Variants in MTCL2 observed in about 807,000 individuals in gnomAD.
MTCL2 encodes microtubule cross-linking factor 2.
chr20:36,847,116 G>A, the MTCL2 span, among the ~76,000 whole-genome samples: 1 of 152,228 alleles, frequency 6.6e-6, no homozygotes, highest in African/African-American at 2.4e-5. Context: ...TACCGACCCT[G>A]TGAGGTAGGT....
the MTCL2 span, among the ~76,000 whole-genome samples, chr20:36,795,619 T>C: frequency 6.6e-6 from 1 of 151,964 alleles, no homozygotes; most frequent in South Asian, 2.1e-4. Context: ...TTAGTAAAAA[T>C]ACAAAAATTA....
At chr20:36,859,544 G>A in the MTCL2 span, 16 of 1,192,016 alleles carry the variant, frequency 1.3e-5, no homozygotes, top group Non-Finnish European at 1.6e-5. Context: ...GCCTCTCTCT[G>A]AATAATTAAA....
At chr20:36,814,136 T>C in the MTCL2 span, among the ~76,000 whole-genome samples, 65 of 152,294 alleles carry the variant, frequency 4.3e-4, 1 homozygote, top group African/African-American at 1.5e-3. Flanking sequence ...GCACATTCAC[T>C]GACATGATAT....
the MTCL2 span, among the ~76,000 whole-genome samples, chr20:36,830,318 C>T: frequency 3.9e-5 from 6 of 152,160 alleles, no homozygotes; most frequent in Non-Finnish European, 1.5e-5. Context: ...TGGAATCCCA[C>T]ACTTTGAGAG....
the MTCL2 span, among the ~76,000 whole-genome samples, chr20:36,805,426 T>A: frequency 6.6e-6 from 1 of 152,184 alleles, no homozygotes; most frequent in Non-Finnish European, 1.5e-5. Flanking sequence ...TGAAGGTTCC[T>A]GACCCTAGAC....
chr20:36,817,736 T>C, the MTCL2 span, among the ~76,000 whole-genome samples: 60 of 152,332 alleles, frequency 3.9e-4, 2 homozygotes, highest in South Asian at 0.01. Context: ...TGCTCCCATG[T>C]GTGACCCAGT....
chr20:36,841,155 CAAAAAAAAAAAAA>C, the MTCL2 span, among the ~76,000 whole-genome samples: 33 of 40,352 alleles, frequency 8.2e-4, no homozygotes, highest in African/African-American at 3.2e-3. Context: ...ACTAAAAATA[CAAAAAAAAAAAAA>C]AAAAAAAAAA....
chr20:36,824,794 A>G, the MTCL2 span, among the ~76,000 whole-genome samples: 1 of 151,742 alleles, frequency 6.6e-6, no homozygotes, highest in Non-Finnish European at 1.5e-5. Flanking sequence ...CTGGAACCAC[A>G]GGCTTGTGTC....
the MTCL2 span, chr20:36,777,586 C>T: frequency 2.5e-5 from 11 of 432,728 alleles, no homozygotes; most frequent in African/African-American, 1.0e-4. Flanking sequence ...TCCTAGCACC[C>T]GATCCATCCT....
chr20:36,787,530 A>G, the MTCL2 span, among the ~76,000 whole-genome samples: 1 of 151,938 alleles, frequency 6.6e-6, no homozygotes. Context: ...GCCCCAATTC[A>G]CTTTTTATGT....
the MTCL2 span, among the ~76,000 whole-genome samples, chr20:36,814,934 A>C: frequency 2.0e-5 from 3 of 152,086 alleles, no homozygotes; most frequent in Admixed American, 6.6e-5. Context: ...GGTGGTGCTC[A>C]CTTGTAGTCC....
chr20:36,858,949 CCTG>C, the MTCL2 span, among the ~76,000 whole-genome samples: 2 of 152,152 alleles, frequency 1.3e-5, no homozygotes, highest in Non-Finnish European at 2.9e-5. Context: ...CACGACCACG[CCTG>C]GGTAATTTTT....
the MTCL2 span, among the ~76,000 whole-genome samples, chr20:36,812,491 A>G: frequency 6.6e-6 from 1 of 152,196 alleles, no homozygotes; most frequent in Non-Finnish European, 1.5e-5. Flanking sequence ...ATTTATGCAG[A>G]TGAGTTTATA....
At chr20:36,814,970 G>A in the MTCL2 span, among the ~76,000 whole-genome samples, 2 of 152,212 alleles carry the variant, frequency 1.3e-5, no homozygotes, top group African/African-American at 4.8e-5. Flanking sequence ...GTGAGGGGGG[G>A]AGAATGGCTA....
At chr20:36,831,614 C>A in the MTCL2 span, among the ~76,000 whole-genome samples, 1 of 152,116 alleles carries the variant, frequency 6.6e-6, no homozygotes, top group Non-Finnish European at 1.5e-5. Context: ...GGAAACCAGG[C>A]ATGGCCTCTC....
chr20:36,812,118 TAGAACTG>T, the MTCL2 span, among the ~76,000 whole-genome samples: 1 of 152,212 alleles, frequency 6.6e-6, no homozygotes, highest in Non-Finnish European at 1.5e-5. Flanking sequence ...GGAACACTGG[TAGAACTG>T]AGACTTGAAC....
At chr20:36,858,461 AAAACACACACAC>A in the MTCL2 span, among the ~76,000 whole-genome samples, 282 of 42,210 alleles carry the variant, frequency 6.7e-3, 34 homozygotes, top group Middle Eastern at 0.023. Flanking sequence ...CCAAGGAGGG[AAAACACACACAC>A]ACACACACAC....
the MTCL2 span, among the ~76,000 whole-genome samples, chr20:36,789,761 G>T: frequency 6.6e-6 from 1 of 152,028 alleles, no homozygotes; most frequent in Non-Finnish European, 1.5e-5. Context: ...TCAAGTAAGA[G>T]AATTCTTCCT....
At chr20:36,802,373 C>T in the MTCL2 span, among the ~76,000 whole-genome samples, 1 of 152,172 alleles carries the variant, frequency 6.6e-6, no homozygotes. Context: ...TGGTGCCTGG[C>T]TGCATGAAGT....
Sources: gnomAD v4.1 joint callset for allele counts (sites outside exome capture counted in the v4.1 genomes callset) on GRCh38, gnomAD v4.1.1 for gene constraint, MANE v1.5 for transcripts, NCBI Gene and HGNC (gene_info 2026-07-23, HGNC 2026-07-21) for gene names.